CDH18: variants seen among roughly 807,000 people sequenced by gnomAD.
The protein encoded by CDH18 is cadherin-18.
A neutral mutation model predicts 67.9 loss-of-function variants in CDH18; 31 were observed. That is an observed-to-expected ratio of 0.46 (90% CI 0.34 to 0.62). The LOEUF (loss-of-function observed/expected upper bound fraction) is 0.62, where lower values mean the gene tolerates loss of function less well. Ranked by LOEUF, CDH18 falls within the 20% of genes least tolerant of loss-of-function variation. CDH18 has a pLI of 0.01. For missense variants in CDH18, 890 were observed against 975.5 expected (o/e 0.91, Z 1.17); for synonymous variants, 362 against 347.2 (o/e 1.04, Z -0.48).
At chr5:20,150,426 C>T (rs148885952) in intron 2 of CDH18, among the ~76,000 whole-genome samples, 1 of 151,756 alleles carries the variant, frequency 6.6e-6, no homozygotes, top group Admixed American at 6.6e-5. Context: ...AGTAGAGATG[C>T]CTATGAAGTA....
At chr5:20,337,602 G>A (rs1488950923) in intron 1 of CDH18, among the ~76,000 whole-genome samples, 1 of 152,134 alleles carries the variant, frequency 6.6e-6, no homozygotes, top group Non-Finnish European at 1.5e-5. Flanking sequence ...ACCTCAGACT[G>A]GACCTTATTG....
intron 1 of CDH18, among the ~76,000 whole-genome samples, chr5:20,409,617 A>G (rs1436111921): frequency 6.6e-6 from 1 of 151,726 alleles, no homozygotes; most frequent in Non-Finnish European, 1.5e-5. Context: ...CAAGAAAAAG[A>G]ACAAAGCCCA....
intron 1 of CDH18, among the ~76,000 whole-genome samples, chr5:20,312,346 A>G (rs1737069600): frequency 6.6e-6 from 1 of 152,216 alleles, no homozygotes; most frequent in Non-Finnish European, 1.5e-5. Flanking sequence ...TTAAATGAGC[A>G]AGATAATACA....
chr5:19,523,408 T>C (rs1199589856), intron 9 of CDH18, among the ~76,000 whole-genome samples: 1 of 152,130 alleles, frequency 6.6e-6, no homozygotes, highest in African/African-American at 2.4e-5. Context: ...AATTACAATT[T>C]GGGTGAACAC....
intron 1 of CDH18, among the ~76,000 whole-genome samples, chr5:20,398,680 C>T (rs566455245): frequency 6.6e-6 from 1 of 151,530 alleles, no homozygotes; most frequent in Non-Finnish European, 1.5e-5. Context: ...CACACATATA[C>T]CTATGTAAAA....
At chr5:20,194,054 A>T (rs895323345) in intron 2 of CDH18, among the ~76,000 whole-genome samples, 2 of 151,888 alleles carry the variant, frequency 1.3e-5, no homozygotes, top group Non-Finnish European at 2.9e-5. Context: ...GACAAGGATG[A>T]CCTCTCTCAC....
intron 1 of CDH18, among the ~76,000 whole-genome samples, chr5:20,458,968 T>A (rs1751032129): frequency 6.6e-6 from 1 of 152,162 alleles, no homozygotes. Context: ...TACTTTAGAT[T>A]TATTCTAAAA....
rs574857906 is a variant in CDH18, at chr5:20,420,874, T to C, written c.-580+154588A>G. 5.3e-5 allele frequency among the ~76,000 whole-genome samples: 8 copies of C among 151,402 alleles called. No homozygotes were observed. The South Asian group carries it at 1.5e-3, about 27-fold the overall frequency. On this transcript the variant is annotated intron_variant, in intron 1 of 14. Coordinates refer to the CDH18 transcript ENST00000507958. ...TCAGCAAAAAAATCTTCTTTCACTA[T>C]ATAGTCATTGATTTTGCATAGTTAC...
intron 3 of CDH18, among the ~76,000 whole-genome samples, chr5:19,804,901 C>T (rs1777874400): frequency 1.3e-5 from 2 of 151,942 alleles, no homozygotes; most frequent in Non-Finnish European, 2.9e-5. Context: ...GAGAAAATAG[C>T]CACCTAGGCA....
At chr5:19,674,393 C>T (rs557674374) in intron 5 of CDH18, among the ~76,000 whole-genome samples, 1 of 152,182 alleles carries the variant, frequency 6.6e-6, no homozygotes, top group African/African-American at 2.4e-5. Flanking sequence ...AAATGTTTAG[C>T]TTCTGCAATA....
At chr5:20,273,323 A>T (rs541379780) in intron 1 of CDH18, among the ~76,000 whole-genome samples, 165 of 152,090 alleles carry the variant, frequency 1.1e-3, no homozygotes, top group African/African-American at 3.7e-3. Context: ...TTATATTATG[A>T]AGTTGTTTTG....
intron 1 of CDH18, among the ~76,000 whole-genome samples, chr5:20,480,413 C>CTTTTAG (rs1554006956): frequency 2.6e-5 from 4 of 151,792 alleles, no homozygotes; most frequent in African/African-American, 9.7e-5. Flanking sequence ...AGTGTAGAGT[C>CTTTTAG]TTTTTGTTTT....
intron 1 of CDH18, among the ~76,000 whole-genome samples, chr5:20,526,906 G>T (rs1038438988): frequency 6.6e-6 from 1 of 152,074 alleles, no homozygotes; most frequent in African/African-American, 2.4e-5. Flanking sequence ...CAAGGGCACA[G>T]AACTGGGCTG....
At chr5:19,490,690 G>C (rs1741322005) in intron 11 of CDH18, among the ~76,000 whole-genome samples, 1 of 151,932 alleles carries the variant, frequency 6.6e-6, no homozygotes, top group South Asian at 2.1e-4. Flanking sequence ...TGGGATTACA[G>C]GTGTGGGCCA....
chr5:20,276,211 C>A (rs938612447), intron 1 of CDH18, among the ~76,000 whole-genome samples: 3 of 152,200 alleles, frequency 2.0e-5, no homozygotes, highest in African/African-American at 7.2e-5. Flanking sequence ...CTGGGGTGAC[C>A]AAGTGAGTAC....
At chr5:19,548,443 T>C (rs1736719700) in intron 8 of CDH18, among the ~76,000 whole-genome samples, 1 of 152,132 alleles carries the variant, frequency 6.6e-6, no homozygotes, top group South Asian at 2.1e-4. Flanking sequence ...CTTTGAGTAT[T>C]GCCATATGTG....
At chr5:20,304,790 A>G in intron 1 of CDH18, 1 of 1,610,498 alleles carries the variant, frequency 6.2e-7, no homozygotes, top group Non-Finnish European at 8.5e-7. Flanking sequence ...AGGGAAGGAG[A>G]CCGTGTTTCA....
At chr5:20,409,992 T>G (rs548722895) in intron 1 of CDH18, among the ~76,000 whole-genome samples, 1 of 151,846 alleles carries the variant, frequency 6.6e-6, no homozygotes, top group Admixed American at 6.6e-5. Context: ...AAGTCATTAT[T>G]CAAAAAACTC....
intron 2 of CDH18, among the ~76,000 whole-genome samples, chr5:19,978,647 G>T (rs1214371708): frequency 1.3e-5 from 2 of 152,096 alleles, no homozygotes; most frequent in Non-Finnish European, 2.9e-5. Context: ...GAGGTACTAG[G>T]GGAGAATCCA....
Sources: gnomAD v4.1 joint callset for allele counts (sites outside exome capture counted in the v4.1 genomes callset) on GRCh38, gnomAD v4.1.1 for gene constraint, MANE v1.5 for transcripts, NCBI Gene and HGNC (gene_info 2026-07-23, HGNC 2026-07-21) for gene names.